The following CCDC60 variants were observed in gnomAD, a reference collection of about 807,000 sequenced individuals.
CCDC60 encodes coiled-coil domain-containing protein 60.
CCDC60 carries 54 observed loss-of-function variants against 63.5 expected under a neutral mutation model. The ratio of observed to expected loss-of-function variants is 0.85; its 90% CI spans 0.68 to 1.07. The LOEUF is 1.07. Among genes scored for constraint, CCDC60 ranks in the 50% least tolerant of loss-of-function variants. The pLI, the probability that CCDC60 is intolerant of heterozygous loss-of-function variation, is 0.00. For missense variants in CCDC60, 651 were observed against 684.3 expected, an observed-to-expected ratio of 0.95 and a Z score of 0.54; for synonymous variants, 206 against 238.8, an observed-to-expected ratio of 0.86 and a Z score of 1.27.
intron 1 of CCDC60, among the ~76,000 whole-genome samples, chr12:119,345,368 G>T (rs752922212): frequency 3.9e-5 from 6 of 152,080 alleles, no homozygotes; most frequent in Non-Finnish European, 8.8e-5. Flanking sequence ...CAGGTGTGGT[G>T]GCATGTGCCT....
At chr12:119,519,996 C>A in intron 8 of CCDC60, 125 bp from the exon 9 acceptor site, 1 of 787,216 alleles carries the variant, frequency 1.3e-6, no homozygotes, top group Non-Finnish European at 2.1e-6. Flanking sequence ...CAGGTGAGTG[C>A]TGTGCTCAGT....
At position 119,520,166 on chromosome 12, in the gene CCDC60, G is replaced by C; in HGVS notation, c.1014G>C (p.Lys338Asn). 1 of 1,613,742 alleles carries C rather than the reference G, an allele frequency of 6.2e-7. No homozygotes were observed. The highest frequency in any genetic ancestry group is 8.5e-7 in the Non-Finnish European group (1 of 1,179,856). Residue 338 changes from lysine to asparagine, a missense_variant, in exon 9 of 14, where the codon AAG becomes AAC. Lys to Asn is a moderately conservative substitution (Grantham distance 94). Coordinates refer to ENST00000327554, the MANE Select transcript of CCDC60 (RefSeq NM_178499.5). ...AAAACAAGAGTAATTCTGCTTATAAGGAAATGCAGACCACTCTCAAATCAA... is the reference window on the plus strand; with the variant it reads ...AAAACAAGAGTAATTCTGCTTATAACGAAATGCAGACCACTCTCAAATCAA... ...LKQNKSNSAY[K>N]EMQTTLKSSE...
chr12:119,477,682 G>T (rs1259581165), intron 3 of CCDC60, among the ~76,000 whole-genome samples: 1 of 152,222 alleles, frequency 6.6e-6, no homozygotes, highest in East Asian at 1.9e-4. Flanking sequence ...CAGATGGCAT[G>T]AATTAGAAAG....
intron 3 of CCDC60, among the ~76,000 whole-genome samples, chr12:119,472,712 C>T (rs541548739): frequency 6.6e-6 from 1 of 151,430 alleles, no homozygotes; most frequent in South Asian, 2.1e-4. Flanking sequence ...TCCCAAGTAG[C>T]TGGGATTACA....
At chr12:119,394,025 TA>T (rs1956206848) in intron 1 of CCDC60, among the ~76,000 whole-genome samples, 1 of 152,192 alleles carries the variant, frequency 6.6e-6, no homozygotes, top group Non-Finnish European at 1.5e-5. Context: ...AGGCCCTTAA[TA>T]GGCCCCCAGA....
chr12:119,420,097 C>T lies in CCDC60; in HGVS notation c.91-8586C>T, dbSNP rs569474934. ...TTCACCGTGTTAGCCGGGATGGTCT[C>T]GAACTCCTGACCTCGTGATCCACCC... On this transcript the variant is annotated intron_variant, in intron 1 of 13. Transcript: ENST00000327554. This position sits in a 1 kb window ranked among gnomAD's most constrained non-coding sequence, Gnocchi z 4.1. Among the ~76,000 whole-genome samples the T allele has an allele frequency of 3.1e-3, 471 of 152,048 alleles. 3 individuals carry two copies. The highest frequency in any genetic ancestry group is 5.5e-3 in the Non-Finnish European group (375 of 67,950).
chr12:119,506,888 G>T (rs1850490553), intron 7 of CCDC60, among the ~76,000 whole-genome samples: 1 of 152,138 alleles, frequency 6.6e-6, no homozygotes, highest in African/African-American at 2.4e-5. Context: ...GATCCAGAAG[G>T]ATTCATACAG....
At chr12:119,534,504 A>G (rs514531) in intron 13 of CCDC60, among the ~76,000 whole-genome samples, 100,390 of 152,054 alleles carry the variant, frequency 0.66, 34,948 homozygotes, top group East Asian at 0.92. Flanking sequence ...AGTTTTCAAA[A>G]GGAATGCTTC....
At chr12:119,437,610 A>AAATT (rs1371663154) in intron 2 of CCDC60, among the ~76,000 whole-genome samples, 1 of 152,162 alleles carries the variant, frequency 6.6e-6, no homozygotes, top group Admixed American at 6.5e-5. Context: ...GTAGTTGGAA[A>AAATT]AATTATTGTT....
intron 1 of CCDC60, among the ~76,000 whole-genome samples, chr12:119,346,842 T>TTTG (rs371710040): frequency 6.0e-5 from 9 of 149,208 alleles, no homozygotes; most frequent in African/African-American, 2.2e-4. Context: ...CTTTTTTTTT[T>TTTG]GAGACAGAGT....
intron 1 of CCDC60, among the ~76,000 whole-genome samples, chr12:119,413,350 A>G (rs1456879977): frequency 1.3e-5 from 2 of 152,160 alleles, no homozygotes; most frequent in Non-Finnish European, 2.9e-5. Flanking sequence ...ATTGAAAGCT[A>G]TGGCATCTAG....
intron 2 of CCDC60, among the ~76,000 whole-genome samples, chr12:119,464,113 G>A (rs2136310708): frequency 7.2e-6 from 1 of 139,346 alleles, no homozygotes; most frequent in African/African-American, 2.8e-5. Context: ...GGTTAAAGGA[G>A]CAAGAACTTT....
chr12:119,382,767 G>A (rs1214631000), intron 1 of CCDC60, among the ~76,000 whole-genome samples: 1 of 152,180 alleles, frequency 6.6e-6, no homozygotes, highest in African/African-American at 2.4e-5. Flanking sequence ...GGCCATGGAC[G>A]CATTCTACAC....
chr12:119,450,544 T>C (rs1950610935), intron 2 of CCDC60, among the ~76,000 whole-genome samples: 2 of 152,152 alleles, frequency 1.3e-5, no homozygotes, highest in Non-Finnish European at 1.5e-5. Flanking sequence ...ATATCTGGTA[T>C]TGCTAGAGCA....
chr12:119,449,124 A>T (rs984844768), intron 2 of CCDC60, among the ~76,000 whole-genome samples: 2 of 152,140 alleles, frequency 1.3e-5, no homozygotes, highest in African/African-American at 4.8e-5. Flanking sequence ...GTGTATGTGT[A>T]TGTATATGTG....
At chr12:119,480,564 C>T (rs539384713) in intron 4 of CCDC60, among the ~76,000 whole-genome samples, 1 of 151,772 alleles carries the variant, frequency 6.6e-6, no homozygotes, top group South Asian at 2.1e-4. Flanking sequence ...TCACCAACAC[C>T]ATCATCATCA....
chr12:119,357,458 CTTTTTTTTT>C (rs138138187), intron 1 of CCDC60, among the ~76,000 whole-genome samples: 1 of 146,438 alleles, frequency 6.8e-6, no homozygotes, highest in African/African-American at 2.5e-5. Context: ...ATGAGATCAG[CTTTTTTTTT>C]TTTTGAGATG....
At chr12:119,520,539 A>G (rs1445305948) in intron 9 of CCDC60, among the ~76,000 whole-genome samples, 1 of 132,190 alleles carries the variant, frequency 7.6e-6, no homozygotes, top group Non-Finnish European at 1.6e-5. Context: ...TTTAGAGAAT[A>G]TTCTTTTTTT....
At chr12:119,336,633 G>A (rs1388398741) in intron 1 of CCDC60, among the ~76,000 whole-genome samples, 1 of 152,190 alleles carries the variant, frequency 6.6e-6, no homozygotes, top group East Asian at 1.9e-4. Flanking sequence ...CTTTAGACAG[G>A]TGAATTGCTT....
Sources: gnomAD v4.1 joint callset for allele counts (sites outside exome capture counted in the v4.1 genomes callset) on GRCh38, gnomAD v4.1.1 for gene constraint, Gnocchi (gnomAD v3.1) non-coding constraint, MANE v1.5 for transcripts, NCBI Gene and HGNC (gene_info 2026-07-23, HGNC 2026-07-21) for gene names.